The following FNBP1 variants were observed in gnomAD, a reference collection of about 807,000 sequenced individuals.
The protein encoded by FNBP1 is formin-binding protein 1.
FNBP1 carries 26 observed loss-of-function variants against 90.6 expected under a neutral mutation model. That is an observed-to-expected ratio of 0.29 (90% CI 0.21 to 0.40). The LOEUF (loss-of-function observed/expected upper bound fraction) is 0.40, where lower values mean the gene tolerates loss of function less well. FNBP1 is among the 10% of genes least tolerant of loss of function. FNBP1 has a pLI of 1.00. For missense variants in FNBP1, 635 were observed against 768.0 expected (o/e 0.83, Z 2.05); for synonymous variants, 260 against 265.2 (o/e 0.98, Z 0.19).
intron 4 of FNBP1, among the ~76,000 whole-genome samples, chr9:129,972,262 T>C (rs1239867377): frequency 6.6e-6 from 1 of 152,034 alleles, no homozygotes; most frequent in East Asian, 1.9e-4. Flanking sequence ...GCCTCCCAAG[T>C]AGCTGGGATT....
In FNBP1 at chr9:129,941,604, G is replaced by A. The variant is rs566306224; in HGVS notation, c.514-11909C>T. ...CCTCAGCCTCCTGAGTAGATGGGACGACAGGCACACACCAGCCTGCCCAGG... is the reference window on the plus strand; with the variant it reads ...CCTCAGCCTCCTGAGTAGATGGGACAACAGGCACACACCAGCCTGCCCAGG... On this transcript the variant is annotated intron_variant, in intron 6 of 16. Coordinates refer to ENST00000446176, the MANE Select transcript of FNBP1 (RefSeq NM_015033.3). Among the ~76,000 whole-genome samples the A allele has an allele frequency of 2.4e-3, 371 of 152,096 alleles. 2 individuals carry two copies. The highest frequency in any genetic ancestry group is 6.6e-3 in the South Asian group (32 of 4,814).
chr9:130,038,418 GAGACAGA>G (rs1344742670), intron 1 of FNBP1, among the ~76,000 whole-genome samples: 2 of 40,636 alleles, frequency 4.9e-5, no homozygotes, highest in Admixed American at 2.9e-4. Context: ...TTTTTTTTTT[GAGACAGA>G]GTCGCTCTGT....
At position 130,041,686 on chromosome 9, in the gene FNBP1, A is replaced by T. The variant is rs964003923; in HGVS notation, c.24+1266T>A. Among the ~76,000 whole-genome samples the T allele has an allele frequency of 1.5e-4, 23 of 152,346 alleles. No individual in the cohort carries two copies. Among genetic ancestry groups the T allele is most frequent in the African/African-American group, 5.1e-4 (21 of 41,576 alleles). On this transcript the variant is annotated intron_variant, in intron 1 of 16. Transcript: ENST00000446176. The surrounding 1 kb of genome is among the most constrained non-coding windows in gnomAD (Gnocchi z 4.3). ...AAAATGAATTATCTTAATTTAAGGG[A>T]GCTATTGCCCTCAGGATTTTGGTAA...
At chr9:130,020,027 A>G (rs2057660162) in intron 1 of FNBP1, among the ~76,000 whole-genome samples, 1 of 152,166 alleles carries the variant, frequency 6.6e-6, no homozygotes, top group Non-Finnish European at 1.5e-5. Flanking sequence ...ATGATGTTTA[A>G]TCACATTTCT....
At chr9:129,893,298 G>A (rs921503978) in intron 16 of FNBP1, among the ~76,000 whole-genome samples, 10 of 151,944 alleles carry the variant, frequency 6.6e-5, no homozygotes, top group African/African-American at 2.4e-4. Flanking sequence ...TACTATGCCA[G>A]CAAAAGTATC....
intron 4 of FNBP1, among the ~76,000 whole-genome samples, chr9:129,974,240 A>G (rs1481453532): frequency 6.6e-6 from 1 of 152,122 alleles, no homozygotes; most frequent in East Asian, 1.9e-4. Flanking sequence ...ACAAACACGC[A>G]CTGCCCCGAG....
At chr9:129,961,999 G>A (rs1342387759) in intron 4 of FNBP1, among the ~76,000 whole-genome samples, 1 of 152,186 alleles carries the variant, frequency 6.6e-6, no homozygotes, top group Non-Finnish European at 1.5e-5. Flanking sequence ...TGACATGCAG[G>A]GATCTCATGA....
intron 6 of FNBP1, among the ~76,000 whole-genome samples, chr9:129,935,709 G>A (rs922300878): frequency 6.6e-6 from 1 of 151,894 alleles, no homozygotes; most frequent in African/African-American, 2.4e-5. Context: ...GGATGGTCTC[G>A]ATCTCCTGAC....
chr9:129,965,055 A>C (rs1305681476), intron 4 of FNBP1, among the ~76,000 whole-genome samples: 2 of 152,210 alleles, frequency 1.3e-5, no homozygotes, highest in African/African-American at 2.4e-5. Flanking sequence ...CTCACAGCGT[A>C]GTAGTGGGTT....
At chr9:129,913,053 CA>C (rs35886541) in intron 11 of FNBP1, among the ~76,000 whole-genome samples, 1 of 151,832 alleles carries the variant, frequency 6.6e-6, no homozygotes, top group African/African-American at 2.4e-5. Flanking sequence ...CCTGTCTCTA[CA>C]AAAATTAGCT....
At chr9:129,896,187 C>T (rs533777941) in intron 15 of FNBP1, among the ~76,000 whole-genome samples, 191 bp from the exon 16 acceptor site, 3 of 152,284 alleles carry the variant, frequency 2.0e-5, no homozygotes, top group Admixed American at 6.5e-5. Context: ...CAGAAATGTC[C>T]AGGTTCTTAC....
chr9:129,996,645 G>A (rs1019418954), intron 1 of FNBP1, among the ~76,000 whole-genome samples: 3 of 152,156 alleles, frequency 2.0e-5, no homozygotes, highest in Non-Finnish European at 2.9e-5. Flanking sequence ...TTAATCCTAC[G>A]CTTGTGCAAT....
chr9:130,046,580 C>CAAA (rs56392821), upstream of FNBP1, among the ~76,000 whole-genome samples: 42 of 66,780 alleles, frequency 6.3e-4, no homozygotes, highest in Non-Finnish European at 7.0e-4. Context: ...ACTAAAAATA[C>CAAA]AAAAAAAAAA....
Position 129,890,569 on chromosome 9 carries a change from A to C in FNBP1, c.1847-23T>G. 5 of 1,573,726 alleles carry C rather than the reference A, an allele frequency of 3.2e-6. No individual in the cohort carries two copies. Among genetic ancestry groups the C allele is most frequent in the Non-Finnish European group, 4.3e-6 (5 of 1,159,214 alleles). ...AATCTACAACACAAAGAGAAACAGA[A>C]AGAGAAACTCTCTGTTAGAGAGGAA... On this transcript the variant is annotated intron_variant, in intron 16 of 16. Coordinates refer to ENST00000446176, the MANE Select transcript of FNBP1 (RefSeq NM_015033.3). The surrounding 1 kb of genome is among the most constrained non-coding windows in gnomAD (Gnocchi z 5.8).
intron 1 of FNBP1, among the ~76,000 whole-genome samples, chr9:130,016,873 A>C (rs940608518): frequency 6.6e-6 from 1 of 152,230 alleles, no homozygotes; most frequent in African/African-American, 2.4e-5. Flanking sequence ...GTTGGGTTTC[A>C]GGAATGTGCC....
chr9:130,025,249 G>A (rs806861), intron 1 of FNBP1, among the ~76,000 whole-genome samples: 121,541 of 152,052 alleles, frequency 0.8, 49,191 homozygotes, highest in Non-Finnish European at 0.86. Flanking sequence ...TATGTACCGA[G>A]TGCCTCACAA....
rs2034876908 is a variant in FNBP1 at position 129,888,573 on chromosome 9, C to CCATG, written c.*1962_*1965dup. On this transcript the variant is annotated 3_prime_UTR_variant, in exon 17 of 17. Coordinates refer to ENST00000446176, the MANE Select transcript of FNBP1 (RefSeq NM_015033.3). The stretch of plus-strand genomic sequence containing the variant: ...GTCACCCGTTGCAGGGACCGGAAGT[C>CCATG]CATGGCTCTGCCGCAACCCTGAGCG... 4.3e-6 allele frequency: 1 copy of CCATG among 232,958 alleles called. No homozygotes were observed. Among genetic ancestry groups the CCATG allele is most frequent in the Non-Finnish European group, 8.5e-6 (1 of 117,892 alleles). 14.4% of individuals were successfully genotyped at this position (232,958 alleles called of 1,614,324 possible).
chr9:129,895,236 A>T, intron 16 of FNBP1: 1 of 1,047,144 alleles, frequency 9.5e-7, no homozygotes, highest in African/African-American at 1.7e-5. Flanking sequence ...AAGGATGCTG[A>T]CCAGGTTTAA....
chr9:130,025,137 G>C (rs1043258408), intron 1 of FNBP1, among the ~76,000 whole-genome samples: 8 of 151,736 alleles, frequency 5.3e-5, no homozygotes, highest in Non-Finnish European at 1.2e-4. Flanking sequence ...TGGAGATCGC[G>C]CCACTGCACT....
Sources: allele counts gnomAD v4.1 joint callset (sites outside exome capture counted in the v4.1 genomes callset), GRCh38; gene constraint gnomAD v4.1.1; non-coding constraint Gnocchi (gnomAD v3.1); transcripts MANE v1.5; gene names NCBI Gene and HGNC (gene_info 2026-07-23, HGNC 2026-07-21).